The following RAD50 variants were observed in gnomAD, a reference collection of about 807,000 sequenced individuals.
RAD50 encodes the protein DNA repair protein RAD50.
RAD50 carries 132 observed loss-of-function variants against 168.8 expected under a neutral mutation model. The ratio of observed to expected loss-of-function variants is 0.78; its 90% confidence interval spans 0.68 to 0.90. The LOEUF (loss-of-function observed/expected upper bound fraction) is 0.90. Among genes scored for constraint, RAD50 ranks in the 40% least tolerant of loss-of-function variants. The pLI, the probability that RAD50 is intolerant of heterozygous loss-of-function variation, is 0.00. For missense variants in RAD50, 1,347 were observed against 1,534.4 expected (o/e 0.88, Z 2.04); for synonymous variants, 525 against 497.4 (o/e 1.06, Z -0.74).
rs571954531 is a variant in RAD50 at position 132,565,639 on chromosome 5, T to C, written c.213+6272T>C. On this transcript the variant is annotated intron_variant, in intron 2 of 24. Coordinates refer to ENST00000378823, the MANE Select transcript of RAD50 (RefSeq NM_005732.4). The stretch of plus-strand genomic sequence containing the variant: ...CCCCAGATCTGTGTCACTGAGAGGG[T>C]CACTCTTCTCAGTCTGATACTTTAT... Among the ~76,000 whole-genome samples, 19 of 152,132 alleles carry C rather than the reference T, an allele frequency of 1.2e-4. No homozygotes were observed. In the South Asian group the frequency reaches 3.9e-3, roughly 32 times the overall value.
In RAD50 at chr5:132,578,180, C is replaced by T. The variant is rs111322833; in HGVS notation, c.366-1137C>T. 7.5e-3 allele frequency among the ~76,000 whole-genome samples: 1,141 copies of T among 152,296 alleles called. 16 individuals are homozygous for T. The highest frequency in any genetic ancestry group is 0.025 in the African/African-American group (1,046 of 41,564). On this transcript the variant is annotated intron_variant, in intron 3 of 24. Coordinates refer to ENST00000378823, the MANE Select transcript of RAD50 (RefSeq NM_005732.4). ...GGTTCAACGTTTCCAAAACCAAACT[C>T]AGTCCTTTCTCTTTGACCTCCCCCC...
chr5:132,598,330 G>T (rs540296068), intron 13 of RAD50, among the ~76,000 whole-genome samples: 3 of 152,166 alleles, frequency 2.0e-5, no homozygotes, highest in Admixed American at 2.0e-4. Context: ...GATTACAGGC[G>T]TGAGCCACCG....
intron 5 of RAD50, among the ~76,000 whole-genome samples, chr5:132,581,946 A>C (rs1299112446): frequency 1.3e-5 from 2 of 152,126 alleles, no homozygotes; most frequent in African/African-American, 4.8e-5. Context: ...TGACAAGCAC[A>C]TGTAATGGTA....
chr5:132,583,652 G>T (rs1235942763), intron 5 of RAD50, among the ~76,000 whole-genome samples: 1 of 149,852 alleles, frequency 6.7e-6, no homozygotes, highest in South Asian at 2.1e-4. Context: ...TTGTGTCTGG[G>T]ATTTATCTAT....
intron 7 of RAD50, 63 bp downstream of exon 7, chr5:132,588,152 T>C: frequency 6.5e-7 from 1 of 1,532,486 alleles, no homozygotes; most frequent in South Asian, 1.1e-5. Context: ...TCTGTATGAA[T>C]GAAGAATCTC....
At chr5:132,631,466 A>C (rs1051043310) in intron 21 of RAD50, among the ~76,000 whole-genome samples, 1 of 152,132 alleles carries the variant, frequency 6.6e-6, no homozygotes, top group Non-Finnish European at 1.5e-5. Flanking sequence ...ACTACTTCGC[A>C]TGAGTTAGTA....
chr5:132,624,200 G>A (rs1457450866), intron 21 of RAD50, among the ~76,000 whole-genome samples: 1 of 152,082 alleles, frequency 6.6e-6, no homozygotes, highest in Non-Finnish European at 1.5e-5. Context: ...TTATATGCCT[G>A]CACCAAATGA....
intron 5 of RAD50, among the ~76,000 whole-genome samples, chr5:132,581,280 A>T (rs1750500176): frequency 6.6e-6 from 1 of 150,886 alleles, no homozygotes; most frequent in Non-Finnish European, 1.5e-5. Context: ...AAAAAAAAAA[A>T]TAGAATTTTT....
chr5:132,590,045 G>A (rs1750671102), intron 9 of RAD50, among the ~76,000 whole-genome samples: 1 of 152,158 alleles, frequency 6.6e-6, no homozygotes, highest in South Asian at 2.1e-4. Flanking sequence ...CACATAGGGA[G>A]CTTTTTAAAG....
rs753581570 is a variant in RAD50, at chr5:132,640,668, C to G, written c.3619-4C>G. 6.2e-7 allele frequency: 1 copy of G among 1,614,142 alleles called. No homozygotes were observed. The highest frequency in any genetic ancestry group is 1.1e-5 in the South Asian group (1 of 91,086). On this transcript the variant is annotated splice_polypyrimidine_tract_variant and splice_region_variant and intron_variant, in intron 23 of 24. Transcript: ENST00000378823. ...GGGCTTCTCACATAGGGGCTTTTTT[C>G]CAGGTATTAGCCTCACTCATCATTC...
chr5:132,615,632 T>G (rs1751162092), intron 19 of RAD50, among the ~76,000 whole-genome samples: 1 of 152,228 alleles, frequency 6.6e-6, no homozygotes, highest in Non-Finnish European at 1.5e-5. Flanking sequence ...AGTTATATTT[T>G]TAATTTCACC....
chr5:132,564,566 T>A (rs1750175518), intron 2 of RAD50, among the ~76,000 whole-genome samples: 1 of 152,140 alleles, frequency 6.6e-6, no homozygotes, highest in South Asian at 2.1e-4. Flanking sequence ...GAACTTATAT[T>A]TAAAAGGGAA....
intron 3 of RAD50, among the ~76,000 whole-genome samples, chr5:132,576,423 G>C (rs545436621): frequency 3.9e-4 from 60 of 152,178 alleles, no homozygotes; most frequent in Non-Finnish European, 8.2e-4. Context: ...TTTTCTAATG[G>C]ATATGGATTT....
chr5:132,642,626 C>G lies in RAD50; in HGVS notation c.*262C>G. ...GGCCTTCAGGGTTCAGCAGTACAGC[C>G]GAGACTCGACTCTGTGCCTCCCTCC... is the stretch of plus-strand genomic sequence containing the variant. On this transcript the variant is annotated 3_prime_UTR_variant, in exon 25 of 25. Coordinates refer to ENST00000378823, the MANE Select transcript of RAD50 (RefSeq NM_005732.4). 5.8e-6 allele frequency: 3 copies of G among 520,862 alleles called. No homozygotes were observed. The highest frequency in any genetic ancestry group is 1.0e-5 in the Non-Finnish European group (3 of 290,318). The allele number at this position is 520,862 out of a possible 1,614,324, so 32.3% of individuals were successfully genotyped here.
intron 21 of RAD50, among the ~76,000 whole-genome samples, chr5:132,635,615 G>A (rs965442989): frequency 1.3e-5 from 2 of 152,208 alleles, no homozygotes; most frequent in South Asian, 2.1e-4. Context: ...CAGACTGCAC[G>A]TGTGCGCCTT....
chr5:132,579,281 T>C (rs780243509), intron 3 of RAD50, 36 bp from the exon 4 acceptor site: 2 of 1,589,212 alleles, frequency 1.3e-6, no homozygotes, highest in African/African-American at 2.7e-5. Flanking sequence ...CACTGAAGGT[T>C]ATTTTACATA....
chr5:132,595,896 C>A, intron 13 of RAD50, 86 bp downstream of exon 13: 2 of 1,221,392 alleles, frequency 1.6e-6, no homozygotes, highest in Non-Finnish European at 2.4e-6. Flanking sequence ...GGTAGTTACT[C>A]AGTAAGGACT....
At chr5:132,595,101 C>A in intron 12 of RAD50, 57 bp downstream of exon 12, 1 of 1,517,648 alleles carries the variant, frequency 6.6e-7, no homozygotes, top group Non-Finnish European at 9.1e-7. Flanking sequence ...TTTTCATTCA[C>A]AGGTAACTGT....
intron 21 of RAD50, 58 bp from the exon 22 acceptor site, chr5:132,637,057 T>C (rs906454533): frequency 5.5e-6 from 7 of 1,267,404 alleles, no homozygotes; most frequent in Non-Finnish European, 5.1e-6. Flanking sequence ...ATTTTAATAT[T>C]ACTATTACAC....
Sources: allele counts gnomAD v4.1 joint callset (sites outside exome capture counted in the v4.1 genomes callset), GRCh38; gene constraint gnomAD v4.1.1; transcripts MANE v1.5; gene names NCBI Gene and HGNC (gene_info 2026-07-23, HGNC 2026-07-21).